The following ZNF397 variants were observed in gnomAD, a reference collection of about 807,000 sequenced individuals.
ZNF397 encodes zinc finger and SCAN domain-containing protein 15.
Under a neutral mutation model 50.6 loss-of-function variants are expected in ZNF397, and 38 were observed. The observed-to-expected ratio is 0.75, with a 90% CI of 0.58 to 0.98. The LOEUF is 0.98. Among genes scored for constraint, ZNF397 ranks in the 50% least tolerant of loss-of-function variants. The probability of loss-of-function intolerance (pLI) is 0.00; values close to 1 mark genes in which losing one functional copy is unlikely to be tolerated. For missense variants in ZNF397, 624 were observed against 624.1 expected, an observed-to-expected ratio of 1.00 and a Z score of 0.00; for synonymous variants, 228 against 215.2, an observed-to-expected ratio of 1.06 and a Z score of -0.52.
In ZNF397 at chr18:35,247,564, T is replaced by C. The variant is rs2043502149; in HGVS notation, c.*1254T>C. The C allele has an allele frequency of 2.0e-5, 3 of 151,646 alleles. No homozygotes were observed. The highest frequency in any genetic ancestry group is 7.3e-5 in the African/African-American group (3 of 41,314). The allele number at this position is 151,646 out of a possible 1,614,324, so 9.4% of individuals were successfully genotyped here. A position where few individuals can be genotyped will look rare whatever the true frequency, so the allele number is the denominator to read the frequency against. ...AGTACATTCCCTTGGGCTTTGGTGC[T>C]CAAAAAATATTTGTCAGTTGCTGGG... On this transcript the variant is annotated 3_prime_UTR_variant, in exon 4 of 4. Transcript: ENST00000330501.
chr18:35,244,696 G>C (rs1351063613), intron 3 of ZNF397, among the ~76,000 whole-genome samples: 1 of 144,972 alleles, frequency 6.9e-6, no homozygotes, highest in Non-Finnish European at 1.5e-5. Context: ...AATCTAGAAA[G>C]TACTTAGTGG....
In ZNF397 at chr18:35,246,363, TAGTCA is replaced by T; in HGVS notation, c.*55_*59del. 1 of 1,470,570 alleles carries T rather than the reference TAGTCA, an allele frequency of 6.8e-7. No homozygotes were observed. The highest frequency in any genetic ancestry group is 2.8e-5 in the Admixed American group (1 of 36,326). 91.1% of individuals were successfully genotyped at this position (1,470,570 alleles called of 1,614,324 possible). On this transcript the variant is annotated 3_prime_UTR_variant, in exon 4 of 4. Coordinates refer to ENST00000330501, the MANE Select transcript of ZNF397 (RefSeq NM_001135178.3). The stretch of plus-strand genomic sequence containing the variant: ...ACTTCAGTCAGATTTTTAAGTTTGT[TAGTCA>T]AAAGAGTTTACTTTGGAGCAAAACT...
chr18:35,246,207 G>A lies in ZNF397; in HGVS notation c.1502G>A (p.Arg501Lys), dbSNP rs1286895213. The part of the protein sequence containing the change: ...KRSSALVQHQ[R>K]IHSGDEAYIC... ...AGCTCAGCCCTTGTTCAGCATCAGA[G>A]AATTCATTCTGGGGATGAAGCTTAT... Residue 501 changes from arginine to lysine, a missense_variant, in exon 4 of 4, where the codon AGA (arginine) becomes AAA (lysine). Transcript: ENST00000330501. 1 of 1,551,974 alleles carries A rather than the reference G, an allele frequency of 6.4e-7. No homozygotes were observed. Among genetic ancestry groups the A allele is most frequent in the Non-Finnish European group, 8.7e-7 (1 of 1,147,082 alleles).
At chr18:35,252,000 CAGAG>C (rs777461354), downstream of ZNF397, 3 of 152,204 alleles carry the variant, frequency 2.0e-5, no homozygotes, top group Admixed American at 6.5e-5. Flanking sequence ...TAAAAATTAG[CAGAG>C]AGAGTTACAG....
At position 35,258,226 on chromosome 18, in the gene ZNF397, T is replaced by C. The variant is rs545361942; in HGVS notation, c.*288T>C. On this transcript the variant is annotated 3_prime_UTR_variant, in exon 6 of 6. Coordinates refer to the ZNF397 transcript ENST00000261333. ...ATAAGGAGACTTAACAGGAACCCAG[T>C]CAAGGCCATTCATGGCCATGGGACC... 45 of 503,778 alleles carry C rather than the reference T, an allele frequency of 8.9e-5. No individual in the cohort carries two copies. The East Asian group carries it at 1.6e-3, about 18-fold the overall frequency. The allele number at this position is 503,778 out of a possible 1,614,324, so 31.2% of individuals were successfully genotyped here.
chr18:35,246,735 A>C lies in ZNF397; in HGVS notation c.*425A>C. 1 of 989,920 alleles carries C rather than the reference A, an allele frequency of 1.0e-6. No homozygotes were observed. Among genetic ancestry groups the C allele is most frequent in the Non-Finnish European group, 1.2e-6 (1 of 833,168 alleles). The allele number at this position is 989,920 out of a possible 1,614,324, so 61.3% of individuals were successfully genotyped here. Reference sequence around the variant, plus strand: ...AAAAAAAAAAAAAACTGACCCAATAAAGAACAGTGACAGAGCAGCAGGAAA... The same window carrying C: ...AAAAAAAAAAAAAACTGACCCAATACAGAACAGTGACAGAGCAGCAGGAAA... On this transcript the variant is annotated 3_prime_UTR_variant, in exon 4 of 4. Coordinates refer to ENST00000330501, the MANE Select transcript of ZNF397 (RefSeq NM_001135178.3).
rs2043485448 is a variant in ZNF397 at position 35,246,535 on chromosome 18, C to T, written c.*225C>T. 3.1e-6 allele frequency: 4 copies of T among 1,301,778 alleles called. No individual in the cohort carries two copies. The South Asian group carries it at 9.2e-5, about 30-fold the overall frequency. 80.6% of individuals were successfully genotyped at this position (1,301,778 alleles called of 1,614,324 possible). Reference sequence around the variant, plus strand: ...AGAAGAATCATTACTTCCAGCTCTTCTCTTATTAGGAATACTCAGGAAATA... The same window carrying T: ...AGAAGAATCATTACTTCCAGCTCTTTTCTTATTAGGAATACTCAGGAAATA... On this transcript the variant is annotated 3_prime_UTR_variant, in exon 4 of 4. Coordinates refer to ENST00000330501, the MANE Select transcript of ZNF397 (RefSeq NM_001135178.3).
At chr18:35,244,864 A>G (rs200148190) in intron 3 of ZNF397, among the ~76,000 whole-genome samples, 9 of 152,250 alleles carry the variant, frequency 5.9e-5, no homozygotes, top group East Asian at 5.8e-4. Flanking sequence ...AGAAATCACT[A>G]TGAGAGAGTG....
downstream of ZNF397, chr18:35,251,301 T>TAA (rs542590899): frequency 6.6e-6 from 1 of 152,154 alleles, no homozygotes; most frequent in Non-Finnish European, 1.5e-5. Flanking sequence ...TACCAACACT[T>TAA]ACAATTCACA....
chr18:35,243,132 C>T lies in ZNF397; in HGVS notation c.415-20C>T. The T allele has an allele frequency of 6.2e-7, 1 of 1,613,504 alleles. No homozygotes were observed. The highest frequency in any genetic ancestry group is 8.5e-7 in the Non-Finnish European group (1 of 1,179,702). On this transcript the variant is annotated intron_variant, in intron 2 of 3. Transcript: ENST00000330501. ...CTTAGGGATTTTCTCACAAAGCTAA[C>T]CATATTTTACTGATTTCAGGTCCCA...
downstream of ZNF397, chr18:35,251,157 T>G (rs1342787662): frequency 1.3e-5 from 2 of 152,180 alleles, no homozygotes; most frequent in Admixed American, 1.3e-4. Context: ...CAAAAATCAT[T>G]TACTAAACAG....
In ZNF397 at chr18:35,245,738, GA is replaced by G. The variant is rs1402856950; in HGVS notation, c.1035del (p.Glu345AspfsTer96). 1.9e-6 allele frequency: 3 copies of G among 1,552,024 alleles called. No homozygotes were observed. Among genetic ancestry groups the G allele is most frequent in the Non-Finnish European group, 2.6e-6 (3 of 1,147,192 alleles). On this transcript the variant is annotated frameshift_variant, in exon 4 of 4. Coordinates refer to ENST00000330501, the MANE Select transcript of ZNF397 (RefSeq NM_001135178.3). LOFTEE classifies it high-confidence loss of function. The stretch of plus-strand genomic sequence containing the variant: ...TGGTGAGAAAGCATATGAATGTAGT[GA>G]ATGTGGGAAAGCTTTCAATCAGAGC... The part of the protein sequence containing the change: ...HSGEKAYECS[E>X]CGKAFNQSSA...
chr18:35,254,563 A>G, downstream of ZNF397: 3 of 1,009,318 alleles, frequency 3.0e-6, no homozygotes, highest in Non-Finnish European at 4.3e-6. Context: ...GCCCCCTTGG[A>G]GAGTAAGGTA....
downstream of ZNF397, among the ~76,000 whole-genome samples, chr18:35,250,118 TA>T (rs559207055): frequency 6.4e-3 from 977 of 152,334 alleles, 12 homozygotes; most frequent in African/African-American, 0.023. Context: ...CTACAAAGTA[TA>T]AATCTGGGTG....
downstream of ZNF397, chr18:35,253,486 G>A (rs745950472): frequency 1.2e-6 from 2 of 1,603,438 alleles, no homozygotes; most frequent in Admixed American, 3.4e-5. Flanking sequence ...GCTGCATAAG[G>A]CCTGACCTAT....
chr18:35,243,285 C>T lies in ZNF397; in HGVS notation c.548C>T (p.Pro183Leu), dbSNP rs765878158. The T allele has an allele frequency of 3.7e-6, 6 of 1,614,214 alleles. No individual in the cohort carries two copies. In the East Asian group the frequency reaches 1.1e-4, roughly 30 times the overall value. The change falls in exon 3 of 4, where the codon CCT becomes CTT. Residue 183 changes from proline (P) to leucine (L), a missense_variant. Physicochemically the swap from Pro to Leu is moderately conservative, Grantham distance 98. Transcript: ENST00000330501. The stretch of plus-strand genomic sequence containing the variant: ...AAATCCTGGAAACCATGCCTTTCCC[C>T]TAAAAGTGGTGAGGAATGGGAAATC... ...QLKSWKPCLS[P>L]KSDCENSETA...
chr18:35,258,284 A>C, exon 6 of ZNF397: 1 of 374,198 alleles, frequency 2.7e-6, no homozygotes, highest in South Asian at 3.1e-5. Flanking sequence ...AATTTTGCTA[A>C]GTCCAAGGAC....
downstream of ZNF397, chr18:35,252,839 C>G (rs1666126788): frequency 6.5e-6 from 1 of 152,760 alleles, no homozygotes; most frequent in South Asian, 2.1e-4. Context: ...AGCAGGTGCT[C>G]AATAAACTAG....
chr18:35,258,768 G>A (rs1598617108), downstream of ZNF397: 2 of 149,884 alleles, frequency 1.3e-5, no homozygotes, highest in Admixed American at 1.4e-4. Flanking sequence ...TACTCGGGAG[G>A]CTGAGGCAGG....
Sources: gnomAD v4.1 joint callset for allele counts (sites outside exome capture counted in the v4.1 genomes callset) on GRCh38, gnomAD v4.1.1 for gene constraint, MANE v1.5 for transcripts, NCBI Gene and HGNC (gene_info 2026-07-23, HGNC 2026-07-21) for gene names.